RAPGEF2: variants seen among roughly 807,000 people sequenced by gnomAD.
RAPGEF2 encodes the protein Rap guanine nucleotide exchange factor 2.
RAPGEF2 carries 54 observed loss-of-function variants against 186.7 expected under a neutral mutation model. The ratio of observed to expected loss-of-function variants is 0.29; its 90% confidence interval spans 0.23 to 0.36. RAPGEF2 has a LOEUF of 0.36. RAPGEF2 is among the 10% of genes least tolerant of loss of function. RAPGEF2 has a pLI of 1.00. For synonymous variants in RAPGEF2, 712 were observed against 705.9 expected (o/e 1.01, Z -0.14); for missense variants, 1,532 against 2,045.0 (o/e 0.75, Z 4.84).
At chr4:159,332,722 T>C (rs372386084) in intron 17 of RAPGEF2, 25 bp downstream of exon 17, 22 of 1,604,450 alleles carry the variant, frequency 1.4e-5, no homozygotes, top group African/African-American at 9.4e-5. Context: ...ATGTCTTCTG[T>C]GCATTATTTT....
At chr4:159,257,757 G>C (rs1460933471) in intron 7 of RAPGEF2, among the ~76,000 whole-genome samples, 2 of 152,178 alleles carry the variant, frequency 1.3e-5, no homozygotes, top group Non-Finnish European at 2.9e-5. Context: ...TTATTTCTGA[G>C]TTCTCTATTC....
At chr4:159,298,734 C>G (rs987051920) in intron 7 of RAPGEF2, among the ~76,000 whole-genome samples, 15 of 152,070 alleles carry the variant, frequency 9.9e-5, no homozygotes, top group African/African-American at 3.6e-4. Flanking sequence ...GCCACGAAAG[C>G]CCTTTCTGGG....
Position 159,210,853 on chromosome 4 carries a change from G to T in RAPGEF2, c.281+270G>T, listed in dbSNP as rs543525673. ...TGTCAGCTGTGTTGAGGGCACATTT[G>T]CTCCTAGGGAATAAAATCAGCTCAA... On this transcript the variant is annotated intron_variant, in intron 4 of 29. Transcript: ENST00000691494. Among the ~76,000 whole-genome samples the T allele has an allele frequency of 5.3e-5, 8 of 152,270 alleles. No individual in the cohort carries two copies. In the East Asian group the frequency reaches 1.5e-3, roughly 29 times the overall value.
intron 11 of RAPGEF2, chr4:159,328,105 C>G (rs1258308955): frequency 1.3e-5 from 2 of 151,942 alleles, no homozygotes; most frequent in African/African-American, 4.8e-5. Flanking sequence ...ATTATGTTCT[C>G]TAAAACTGAG....
chr4:159,249,178 C>A (rs970560476), intron 7 of RAPGEF2, among the ~76,000 whole-genome samples: 2 of 151,250 alleles, frequency 1.3e-5, no homozygotes, highest in African/African-American at 4.9e-5. Context: ...CTTTTAATTG[C>A]AACAGCGAAG....
chr4:159,268,240 G>A (rs1228337836), intron 7 of RAPGEF2: 19 of 1,506,980 alleles, frequency 1.3e-5, no homozygotes, highest in Non-Finnish European at 1.8e-5. Context: ...TGCTGCTTGT[G>A]CTTTGATAGC....
At position 159,341,853 on chromosome 4, in the gene RAPGEF2, C is replaced by T; in HGVS notation, c.2824C>T (p.Gln942Ter). 6.2e-7 allele frequency: 1 copy of T among 1,612,502 alleles called. No homozygotes were observed. The highest frequency in any genetic ancestry group is 8.5e-7 in the Non-Finnish European group (1 of 1,179,626). Residue 942 changes from glutamine (Q) to a stop codon, truncating the protein, a stop_gained, in exon 20 of 30, where the codon CAG becomes TAG. Coordinates refer to ENST00000691494, the MANE Select transcript of RAPGEF2 (RefSeq NM_001394067.2). LOFTEE classifies it high-confidence loss of function. Reference protein sequence around the residue: ...VASEILRETNQLKRMKIIKHF... With the variant: ...VASEILRETN ...ATCTGAAATTCTCAGAGAAACAAACCAGCTGAAGAGGATGAAGATCATTAA... is the reference window on the plus strand; with the variant it reads ...ATCTGAAATTCTCAGAGAAACAAACTAGCTGAAGAGGATGAAGATCATTAA...
intron 1 of RAPGEF2, among the ~76,000 whole-genome samples, chr4:159,145,436 G>A (rs1742845613): frequency 6.6e-6 from 1 of 151,950 alleles, no homozygotes; most frequent in Non-Finnish European, 1.5e-5. Context: ...GCCAAAACAT[G>A]TGATCTATAT....
At chr4:159,226,322 G>C (rs969901328) in intron 4 of RAPGEF2, among the ~76,000 whole-genome samples, 9 of 152,100 alleles carry the variant, frequency 5.9e-5, no homozygotes, top group African/African-American at 9.7e-5. Flanking sequence ...TATTTGTTTA[G>C]ATCTGTCTCT....
intron 11 of RAPGEF2, among the ~76,000 whole-genome samples, chr4:159,323,992 G>A (rs1765594574): frequency 6.6e-6 from 1 of 152,070 alleles, no homozygotes; most frequent in South Asian, 2.1e-4. Context: ...CACCTCCTGG[G>A]TTCAAGCGAT....
intron 4 of RAPGEF2, among the ~76,000 whole-genome samples, chr4:159,228,892 T>C (rs910471729): frequency 1.3e-5 from 2 of 152,228 alleles, no homozygotes; most frequent in Non-Finnish European, 2.9e-5. Context: ...TTTATTCTTA[T>C]ATATGTTACT....
intron 1 of RAPGEF2, among the ~76,000 whole-genome samples, chr4:159,136,401 A>G (rs946194345): frequency 6.6e-6 from 1 of 152,170 alleles, no homozygotes. Context: ...GGTTTGATTA[A>G]GAGGGTGAAC....
chr4:159,211,374 A>G (rs1034486491), intron 4 of RAPGEF2, among the ~76,000 whole-genome samples: 3 of 152,232 alleles, frequency 2.0e-5, no homozygotes, highest in African/African-American at 4.8e-5. Flanking sequence ...GCTTTTCGCA[A>G]GTAAATAATT....
At chr4:159,294,779 ACT>A (rs1169882610) in intron 7 of RAPGEF2, among the ~76,000 whole-genome samples, 3 of 151,306 alleles carry the variant, frequency 2.0e-5, no homozygotes, top group Non-Finnish European at 2.9e-5. Context: ...CCCAGTGCAA[ACT>A]CTGCCTCCCA....
intron 7 of RAPGEF2, among the ~76,000 whole-genome samples, chr4:159,273,117 A>T (rs1758320558): frequency 6.6e-6 from 1 of 152,216 alleles, no homozygotes; most frequent in African/African-American, 2.4e-5. Flanking sequence ...CCTCTTCATT[A>T]TCTGATCTTT....
chr4:159,157,916 G>A (rs1744299305), intron 1 of RAPGEF2, among the ~76,000 whole-genome samples: 1 of 152,132 alleles, frequency 6.6e-6, no homozygotes, highest in African/African-American at 2.4e-5. Flanking sequence ...GGTTGAGGTA[G>A]GGAAGCTGGG....
At chr4:159,277,302 T>G (rs1182489388) in intron 7 of RAPGEF2, among the ~76,000 whole-genome samples, 2 of 152,214 alleles carry the variant, frequency 1.3e-5, no homozygotes, top group Admixed American at 6.5e-5. Flanking sequence ...ATGTGCCACA[T>G]TTTCTTAATC....
intron 17 of RAPGEF2, 148 bp from the exon 18 acceptor site, chr4:159,338,163 T>C (rs530859778): frequency 1.6e-6 from 1 of 614,928 alleles, no homozygotes; most frequent in East Asian, 2.9e-5. Context: ...TAGTTGCTTT[T>C]GCAGTTTTCA....
rs963626122 is a variant in RAPGEF2 at position 159,109,647 on chromosome 4, T to C, written c.69+5416T>C. ...CACTAATCTATTGTTATAAGTAGATTGTAATTCATGAGTGCTGTAACAGCT... is the reference window on the plus strand; with the variant it reads ...CACTAATCTATTGTTATAAGTAGATCGTAATTCATGAGTGCTGTAACAGCT... On this transcript the variant is annotated intron_variant, in intron 1 of 29. Transcript: ENST00000691494. Among the ~76,000 whole-genome samples, 3 of 152,340 alleles carry C rather than the reference T, an allele frequency of 2.0e-5. No homozygotes were observed. In the East Asian group the frequency reaches 5.8e-4, roughly 29 times the overall value.
Sources: allele counts gnomAD v4.1 joint callset (sites outside exome capture counted in the v4.1 genomes callset), GRCh38; gene constraint gnomAD v4.1.1; transcripts MANE v1.5; gene names NCBI Gene and HGNC (gene_info 2026-07-23, HGNC 2026-07-21).